Variants in SULT1B1 observed in about 807,000 individuals in gnomAD.
SULT1B1 encodes sulfotransferase 1B1.
In SULT1B1, 28 loss-of-function variants were observed where a neutral mutation model predicts 34.6. The observed-to-expected ratio is 0.81, with a 90% CI of 0.60 to 1.11. The LOEUF (loss-of-function observed/expected upper bound fraction) is 1.11, where lower values mean the gene tolerates loss of function less well. Among genes scored for constraint, SULT1B1 ranks in the 50% least tolerant of loss-of-function variants. The pLI, the probability that SULT1B1 is intolerant of heterozygous loss-of-function variation, is 0.00. For missense variants in SULT1B1, 374 were observed against 352.2 expected (o/e 1.06, Z -0.50); for synonymous variants, 147 against 110.2 (o/e 1.33, Z -2.09).
chr4:69,754,001 G>T (rs1413201183), intron 3 of SULT1B1, among the ~76,000 whole-genome samples: 1 of 152,102 alleles, frequency 6.6e-6, no homozygotes, highest in African/African-American at 2.4e-5. Context: ...TGGCTCAAGA[G>T]GCTGCCTGAT....
At chr4:69,738,118 A>G (rs958797986) in intron 4 of SULT1B1, among the ~76,000 whole-genome samples, 3 of 152,088 alleles carry the variant, frequency 2.0e-5, no homozygotes, top group Admixed American at 6.6e-5. Context: ...ATGGTATTTG[A>G]TTTTCTGCTC....
chr4:69,744,186 G>A (rs751360086), intron 4 of SULT1B1, among the ~76,000 whole-genome samples: 8 of 152,068 alleles, frequency 5.3e-5, no homozygotes, highest in Non-Finnish European at 5.9e-5. Flanking sequence ...GACTGGGTGC[G>A]GCCTCATTGC....
intron 7 of SULT1B1, among the ~76,000 whole-genome samples, chr4:69,729,298 T>C (rs1717965713): frequency 1.3e-5 from 2 of 151,992 alleles, no homozygotes; most frequent in African/African-American, 4.8e-5. Flanking sequence ...AATACAGTAT[T>C]TGCATGATGA....
chr4:69,741,363 G>T (rs1476684100), intron 4 of SULT1B1, among the ~76,000 whole-genome samples: 1 of 152,132 alleles, frequency 6.6e-6, no homozygotes, highest in East Asian at 1.9e-4. Flanking sequence ...TTAGCTATTT[G>T]GGTTCTTTTT....
chr4:69,744,273 T>G (rs1325192367), intron 4 of SULT1B1, among the ~76,000 whole-genome samples: 2 of 152,180 alleles, frequency 1.3e-5, no homozygotes, highest in Admixed American at 1.3e-4. Context: ...CTGTCTCCTC[T>G]CTGTGTTTCC....
rs149692527 is a variant in SULT1B1, at chr4:69,747,978, C to T, written c.375+1743G>A. The stretch of plus-strand genomic sequence containing the variant: ...ATGCCAGCCTGCTTGATATTCTGGT[C>T]TTTTTCAGGGGGAGAAGCTCTTCCA... On this transcript the variant is annotated intron_variant, in intron 4 of 7. Transcript: ENST00000310613. 3.0e-3 allele frequency among the ~76,000 whole-genome samples: 459 copies of T among 152,088 alleles called. 4 individuals carry two copies. The highest frequency in any genetic ancestry group is 0.011 in the African/African-American group (444 of 41,474).
chr4:69,736,691 AT>A (rs1165072264), intron 4 of SULT1B1, among the ~76,000 whole-genome samples: 3 of 152,202 alleles, frequency 2.0e-5, no homozygotes, highest in African/African-American at 7.2e-5. Context: ...TCTGCAATGT[AT>A]AATAACTGAA....
intron 4 of SULT1B1, among the ~76,000 whole-genome samples, chr4:69,747,555 C>A (rs954742080): frequency 6.6e-6 from 1 of 152,212 alleles, no homozygotes; most frequent in Non-Finnish European, 1.5e-5. Context: ...TGGGAGCTAG[C>A]AAAAGCTAAA....
At chr4:69,745,086 C>T (rs1016967985) in intron 4 of SULT1B1, among the ~76,000 whole-genome samples, 2 of 151,846 alleles carry the variant, frequency 1.3e-5, no homozygotes, top group Admixed American at 6.6e-5. Context: ...TGCTGTGGCC[C>T]GAGAGTATGG....
rs138306519 is a variant in SULT1B1, at chr4:69,753,665, A to C, written c.277+1005T>G. 8.4e-4 allele frequency among the ~76,000 whole-genome samples: 128 copies of C among 152,258 alleles called. 1 individual carries two copies. The highest frequency in any genetic ancestry group is 3.0e-3 in the African/African-American group (125 of 41,550). On this transcript the variant is annotated intron_variant, in intron 3 of 7. Coordinates refer to ENST00000310613, the MANE Select transcript of SULT1B1 (RefSeq NM_014465.4). ...TTTCCCCAAGTATGTACAACTTTTT[A>C]ATCTCAATTTGGAGTAGATACCCCT...
intron 7 of SULT1B1, among the ~76,000 whole-genome samples, chr4:69,727,552 T>G (rs1462011331): frequency 6.7e-6 from 1 of 149,556 alleles, no homozygotes; most frequent in East Asian, 2.3e-4. Flanking sequence ...ACTGAGCACT[T>G]GGATCAATAG....
intron 6 of SULT1B1, among the ~76,000 whole-genome samples, chr4:69,732,267 G>C (rs147884371): frequency 6.6e-6 from 1 of 152,272 alleles, no homozygotes; most frequent in East Asian, 1.9e-4. Flanking sequence ...GATGGAGAAT[G>C]AATACTTGGG....
intron 4 of SULT1B1, among the ~76,000 whole-genome samples, chr4:69,735,359 G>A (rs1396485128): frequency 6.6e-6 from 1 of 152,194 alleles, no homozygotes; most frequent in African/African-American, 2.4e-5. Flanking sequence ...CTGGTCAAAG[G>A]ATTAGGAAAG....
Position 69,727,017 on chromosome 4 carries a change from A to G in SULT1B1, c.*71T>C, listed in dbSNP as rs1717856597. ...TAAATTCATTTGATTGCCCAAATCAATTCATAACTGCCCTCGTTTCAATCA... is the reference window on the plus strand; with the variant it reads ...TAAATTCATTTGATTGCCCAAATCAGTTCATAACTGCCCTCGTTTCAATCA... On this transcript the variant is annotated 3_prime_UTR_variant, in exon 8 of 8. Coordinates refer to ENST00000310613, the MANE Select transcript of SULT1B1 (RefSeq NM_014465.4). 2 of 1,122,606 alleles carry G rather than the reference A, an allele frequency of 1.8e-6. No homozygotes were observed. The highest frequency in any genetic ancestry group is 2.5e-5 in the Admixed American group (1 of 39,628). 69.5% of individuals were successfully genotyped at this position (1,122,606 alleles called of 1,614,324 possible).
intron 6 of SULT1B1, among the ~76,000 whole-genome samples, chr4:69,732,482 G>A (rs1718118961): frequency 6.6e-6 from 1 of 151,312 alleles, no homozygotes; most frequent in Non-Finnish European, 1.5e-5. Context: ...AAGTAATCTT[G>A]AGCCCCTGTT....
chr4:69,756,908 T>C (rs1719212447), intron 1 of SULT1B1, among the ~76,000 whole-genome samples: 1 of 152,010 alleles, frequency 6.6e-6, no homozygotes, highest in Non-Finnish European at 1.5e-5. Context: ...GGCAATCTGC[T>C]GTACTCAATC....
chr4:69,733,053 C>T (rs1397434192), intron 6 of SULT1B1, among the ~76,000 whole-genome samples: 6 of 151,824 alleles, frequency 4.0e-5, no homozygotes, highest in Non-Finnish European at 7.4e-5. Context: ...AAACAATAAG[C>T]GTGGAAGGGG....
Position 69,754,720 on chromosome 4 carries a change from G to A in SULT1B1, c.227C>T (p.Thr76Ile), listed in dbSNP as rs781611030. 8 of 1,613,272 alleles carry A rather than the reference G, an allele frequency of 5.0e-6. No homozygotes were observed. In the Admixed American group the frequency reaches 1.0e-4, roughly 20 times the overall value. ...CATTTCCAACATTGGAACTTTTTCA[G>A]TAATAAAACCTCGCTTACATTTTTC... ...DIEKCKRGFITEKVPMLEMTL... is the reference protein window; with the variant it reads ...DIEKCKRGFIIEKVPMLEMTL... The change falls in exon 3 of 8, where the codon ACT becomes ATT. Residue 76 changes from threonine (T) to isoleucine (I), a missense_variant. Thr to Ile is a moderately conservative substitution (Grantham distance 89). Coordinates refer to ENST00000310613, the MANE Select transcript of SULT1B1 (RefSeq NM_014465.4).
chr4:69,727,324 A>T lies in SULT1B1; in HGVS notation c.779-124T>A, dbSNP rs1328332977. 4 of 593,594 alleles carry T rather than the reference A, an allele frequency of 6.7e-6. No homozygotes were observed. In the East Asian group the frequency reaches 9.8e-5, roughly 15 times the overall value. 36.8% of individuals were successfully genotyped at this position (593,594 alleles called of 1,614,324 possible). A position where few individuals can be genotyped will look rare whatever the true frequency, so the allele number is the denominator to read the frequency against. On this transcript the variant is annotated intron_variant, in intron 7 of 7. Transcript: ENST00000310613. ...CTTCCTTTTATTTGAATGAATTCAA[A>T]CAGTCTTTAAATTGTATTAACCTTT...
Sources: allele counts gnomAD v4.1 joint callset (sites outside exome capture counted in the v4.1 genomes callset), GRCh38; gene constraint gnomAD v4.1.1; transcripts MANE v1.5; gene names NCBI Gene and HGNC (gene_info 2026-07-23, HGNC 2026-07-21).